RP2: variants seen among roughly 807,000 people sequenced by gnomAD.
RP2 encodes protein XRP2.
A neutral mutation model predicts 20.3 loss-of-function variants in RP2; 3 were observed. The observed-to-expected ratio is 0.15, with a 90% confidence interval of 0.07 to 0.38. RP2 has a LOEUF of 0.38. Ranked by LOEUF, RP2 falls within the 10% of genes least tolerant of loss-of-function variation. The probability of loss-of-function intolerance (pLI) is 1.00; values close to 1 mark genes in which losing one functional copy is unlikely to be tolerated. For missense variants in RP2, 233 were observed against 268.5 expected, an observed-to-expected ratio of 0.87 and a Z score of 0.92; for synonymous variants, 75 against 94.8, an observed-to-expected ratio of 0.79 and a Z score of 1.22.
intron 1 of RP2, among the ~76,000 whole-genome samples, chrX:46,851,513 G>C (rs1205383474): frequency 2.7e-5 from 3 of 110,491 alleles, no homozygotes; most frequent in African/African-American, 9.9e-5. Context: ...GCACACGCCT[G>C]TAATCCCAGC....
At position 46,848,043 on chromosome X, in the gene RP2, A is replaced by G. The variant is rs782791593; in HGVS notation, c.103-5433A>G. Reference sequence around the variant, plus strand: ...TATAAAACAGAGATAATTATAGTACACAACCCTTATGGGGTTTTTATGGAT... The same window carrying G: ...TATAAAACAGAGATAATTATAGTACGCAACCCTTATGGGGTTTTTATGGAT... On this transcript the variant is annotated intron_variant, in intron 1 of 4. Transcript: ENST00000218340. Among the ~76,000 whole-genome samples, 3 of 105,742 alleles carry G rather than the reference A, an allele frequency of 2.8e-5. No homozygotes were observed. In the South Asian group the frequency reaches 1.3e-3, roughly 45 times the overall value. The allele number at this position is 105,742 out of a possible 115,157, so 91.8% of individuals were successfully genotyped here.
chrX:46,855,797 A>AT (rs36117019), intron 2 of RP2, among the ~76,000 whole-genome samples: 27,165 of 104,330 alleles, frequency 0.26, 3,685 homozygotes, highest in African/African-American at 0.48. Flanking sequence ...TTTTGAATGG[A>AT]TTTTTTTTTT....
rs201815920 is a variant in RP2 at position 46,847,768 on chromosome X, G to A, written c.103-5708G>A. Among the ~76,000 whole-genome samples the A allele has an allele frequency of 2.9e-3, 173 of 59,498 alleles. 2 individuals carry two copies. Among genetic ancestry groups the A allele is most frequent in the Admixed American group, 9.7e-3 (44 of 4,545 alleles). 51.7% of individuals were successfully genotyped at this position (59,498 alleles called of 115,157 possible). A position where few individuals can be genotyped will look rare whatever the true frequency, so the allele number is the denominator to read the frequency against. ...TATGTGTGTGTGTATATACACACAT[G>A]TGTGTGTGTACATACACACATGTGT... On this transcript the variant is annotated intron_variant, in intron 1 of 4. Transcript: ENST00000218340.
chrX:46,865,572 G>A (rs1556322160), intron 3 of RP2, among the ~76,000 whole-genome samples: 2 of 112,089 alleles, frequency 1.8e-5, no homozygotes. Flanking sequence ...TCAAGGAGAG[G>A]AGAATTAAGC....
chrX:46,846,625 T>G (rs1381534039), intron 1 of RP2, among the ~76,000 whole-genome samples: 1 of 111,647 alleles, frequency 9.0e-6, no homozygotes, highest in Non-Finnish European at 1.9e-5. Flanking sequence ...AAAAAGAAAC[T>G]GCCAAACTAT....
rs782058377 is a variant in RP2, at chrX:46,837,664, T to A, written c.102+462T>A. Among the ~76,000 whole-genome samples the A allele has an allele frequency of 3.0e-4, 34 of 112,062 alleles. 1 individual carries two copies. Among genetic ancestry groups the A allele is most frequent in the Middle Eastern group, 4.6e-3 (1 of 218 alleles). ...CGGGGCTTAATGTTCTGTGGCTGTT[T>A]TCTCTTTTGTCTGCCCTCCCCGGCA... is the stretch of plus-strand genomic sequence containing the variant. On this transcript the variant is annotated intron_variant, in intron 1 of 4. Transcript: ENST00000218340.
At chrX:46,873,301 C>T (rs1401068977) in intron 3 of RP2, among the ~76,000 whole-genome samples, 2 of 111,391 alleles carry the variant, frequency 1.8e-5, no homozygotes, top group Non-Finnish European at 3.8e-5. Flanking sequence ...GCTTCAGAGT[C>T]TCACAATTTT....
chrX:46,847,720 ATG>A (rs35890795), intron 1 of RP2, among the ~76,000 whole-genome samples: 9,324 of 86,063 alleles, frequency 0.11, 501 homozygotes, highest in Non-Finnish European at 0.15. Context: ...ACACACATAT[ATG>A]TGTGTGTGTA....
intron 1 of RP2, among the ~76,000 whole-genome samples, chrX:46,839,904 T>C (rs1924585735): frequency 8.9e-6 from 1 of 112,769 alleles, no homozygotes; most frequent in Non-Finnish European, 1.9e-5. Flanking sequence ...ATGGGTTGCC[T>C]GAAAAATTTC....
intron 1 of RP2, among the ~76,000 whole-genome samples, chrX:46,841,311 G>A (rs959108770): frequency 7.1e-5 from 8 of 112,174 alleles, no homozygotes; most frequent in African/African-American, 2.6e-4. Flanking sequence ...CTTCTTTTAA[G>A]TATGAAAAGT....
intron 1 of RP2, among the ~76,000 whole-genome samples, chrX:46,846,091 G>C (rs1924710749): frequency 9.0e-6 from 1 of 111,235 alleles, no homozygotes; most frequent in Admixed American, 9.7e-5. Context: ...ATTGCTGAGT[G>C]GTATTCCGTT....
rs3126146 is a variant in RP2, at chrX:46,858,667, C to A, written c.769-1321C>A. Among the ~76,000 whole-genome samples, 1,039 of 110,081 alleles carry A rather than the reference C, an allele frequency of 9.4e-3. 15 individuals carry two copies. Among genetic ancestry groups the A allele is most frequent in the African/African-American group, 0.029 (865 of 30,223 alleles). On this transcript the variant is annotated intron_variant, in intron 2 of 4. Coordinates refer to ENST00000218340, the MANE Select transcript of RP2 (RefSeq NM_006915.3). ...AAATTTTTTTTTATAAAGATGGGGT[C>A]TTGCTGTGTTGCCCAGGCTGGTCTC...
intron 1 of RP2, 73 bp downstream of exon 1, chrX:46,837,275 G>A (rs1924529348): frequency 4.0e-6 from 4 of 1,000,506 alleles, no homozygotes; most frequent in South Asian, 4.1e-5. Flanking sequence ...GCCCGGGACC[G>A]CTGAGGGGGC....
At chrX:46,859,886 G>A (rs1925034149) in intron 2 of RP2, 102 bp from the exon 3 acceptor site, 3 of 574,536 alleles carry the variant, frequency 5.2e-6, no homozygotes, top group South Asian at 5.0e-5. Flanking sequence ...AAAAATCAGT[G>A]TGCTGTTGTT....
intron 1 of RP2, among the ~76,000 whole-genome samples, chrX:46,852,298 G>T (rs1427075685): frequency 3.6e-5 from 4 of 111,783 alleles, no homozygotes; most frequent in African/African-American, 1.3e-4. Flanking sequence ...AGCGAAGGAA[G>T]AAAGGAGCGA....
Position 46,842,785 on chromosome X carries a change from G to A in RP2, c.102+5583G>A, listed in dbSNP as rs138984093. 2.3e-4 allele frequency among the ~76,000 whole-genome samples: 26 copies of A among 111,464 alleles called. 1 individual carries two copies. The highest frequency in any genetic ancestry group is 7.5e-4 in the African/African-American group (23 of 30,719). On this transcript the variant is annotated intron_variant, in intron 1 of 4. Transcript: ENST00000218340. ...CATGTTTTTGAAGTTTGTCCATATC[G>A]TAACATGTATCAAGACTTTATTCTA...
intron 2 of RP2, among the ~76,000 whole-genome samples, chrX:46,856,136 TA>T (rs782813919): frequency 4.5e-5 from 5 of 110,654 alleles, no homozygotes; most frequent in Admixed American, 2.9e-4. Context: ...TATGGTGATT[TA>T]AAAAAAAACT....
chrX:46,863,553 G>T (rs1176043177), intron 3 of RP2, among the ~76,000 whole-genome samples: 1 of 111,991 alleles, frequency 8.9e-6, no homozygotes, highest in Non-Finnish European at 1.9e-5. Flanking sequence ...TCTAAAAGTG[G>T]CCATCAGTCA....
Position 46,880,807 on chromosome X carries a change from C to A in RP2, c.*1038C>A, listed in dbSNP as rs1358588421. ...TTTACCAGGAAGCAGAGGAGAGCTA[C>A]TTGTTTAAAAATCCACATTCTTGGA... is the stretch of plus-strand genomic sequence containing the variant. On this transcript the variant is annotated 3_prime_UTR_variant, in exon 5 of 5. Coordinates refer to ENST00000218340, the MANE Select transcript of RP2 (RefSeq NM_006915.3). The A allele has an allele frequency of 1.8e-5, 2 of 111,979 alleles. No homozygotes were observed. The highest frequency in any genetic ancestry group is 3.8e-5 in the Non-Finnish European group (2 of 53,241). The allele number at this position is 111,979 out of a possible 1,213,427, so 9.2% of individuals were successfully genotyped here. A position where few individuals can be genotyped will look rare whatever the true frequency, so the allele number is the denominator to read the frequency against.
Sources: gnomAD v4.1 joint callset for allele counts (sites outside exome capture counted in the v4.1 genomes callset) on GRCh38, gnomAD v4.1.1 for gene constraint, MANE v1.5 for transcripts, NCBI Gene and HGNC (gene_info 2026-07-23, HGNC 2026-07-21) for gene names.